The following BLNK variants were observed in gnomAD, a reference collection of about 807,000 sequenced individuals.
BLNK encodes B-cell linker protein.
Under a neutral mutation model 73.5 loss-of-function variants are expected in BLNK, and 29 were observed. The observed-to-expected ratio is 0.39, with a 90% CI of 0.29 to 0.54. The LOEUF (loss-of-function observed/expected upper bound fraction) is 0.54. Ranked by LOEUF, BLNK falls within the 20% of genes least tolerant of loss-of-function variation. BLNK has a pLI of 0.61. For missense variants in BLNK, 460 were observed against 562.8 expected, an observed-to-expected ratio of 0.82 and a Z score of 1.85; for synonymous variants, 176 against 200.8, an observed-to-expected ratio of 0.88 and a Z score of 1.04.
At chr10:96,242,236 C>T (rs1043701886) in intron 3 of BLNK, among the ~76,000 whole-genome samples, 4 of 152,162 alleles carry the variant, frequency 2.6e-5, no homozygotes, top group African/African-American at 7.2e-5. Flanking sequence ...TCTCTTGGCT[C>T]GCATTCTACC....
At chr10:96,198,376 T>C (rs1489803546) in intron 15 of BLNK, among the ~76,000 whole-genome samples, 2 of 152,204 alleles carry the variant, frequency 1.3e-5, no homozygotes, top group East Asian at 1.9e-4. Context: ...AGAAAACTTA[T>C]TGGATATAAG....
Position 96,247,029 on chromosome 10 carries a change from T to C in BLNK, c.68A>G (p.His23Arg). ...QKLRQLQKMV[H>R]DIKNNEGGIM... The stretch of plus-strand genomic sequence containing the variant: ...TCCACCTTCATTGTTTTTAATATCA[T>C]GGACCATCTTTTGAAGCTGCCTGTA... Residue 23 changes from histidine to arginine, a missense_variant, in exon 2 of 17, where the codon CAT becomes CGT. This residue lies in a region of BLNK where 139 missense variants were observed against 187.3 expected (regional missense o/e 0.74). Transcript: ENST00000224337. 1.2e-6 allele frequency: 2 copies of C among 1,606,010 alleles called. No individual in the cohort carries two copies. The highest frequency in any genetic ancestry group is 1.1e-5 in the South Asian group (1 of 88,714).
At chr10:96,202,698 G>A (rs2133957356) in intron 13 of BLNK, among the ~76,000 whole-genome samples, 1 of 152,304 alleles carries the variant, frequency 6.6e-6, no homozygotes, top group Non-Finnish European at 1.5e-5. Flanking sequence ...AGCACTCCCA[G>A]GTGAGAGCAG....
chr10:96,269,975 T>C (rs1554915208), intron 1 of BLNK, among the ~76,000 whole-genome samples: 1 of 152,164 alleles, frequency 6.6e-6, no homozygotes, highest in Non-Finnish European at 1.5e-5. Context: ...AAGTATCTTC[T>C]CTATGAAACC....
intron 16 of BLNK, among the ~76,000 whole-genome samples, chr10:96,192,658 T>G (rs587638188): frequency 6.6e-6 from 1 of 152,298 alleles, no homozygotes; most frequent in South Asian, 2.1e-4. Context: ...ATAATGAAAT[T>G]TCATGCTAGG....
At position 96,270,241 on chromosome 10, in the gene BLNK, C is replaced by T. The variant is rs59241856; in HGVS notation, c.47+1111G>A. Among the ~76,000 whole-genome samples, 418 of 152,334 alleles carry T rather than the reference C, an allele frequency of 2.7e-3. 3 individuals carry two copies. The highest frequency in any genetic ancestry group is 9.2e-3 in the African/African-American group (382 of 41,576). On this transcript the variant is annotated intron_variant, in intron 1 of 16. Transcript: ENST00000224337. ...TACCTTTTACCAAGCACCTCCTAGG[C>T]ATAAGACCTGTATTCTACTGTGAAG... is the stretch of plus-strand genomic sequence containing the variant.
intron 3 of BLNK, among the ~76,000 whole-genome samples, chr10:96,233,923 T>G (rs1457672563): frequency 2.0e-5 from 3 of 152,246 alleles, no homozygotes; most frequent in African/African-American, 7.2e-5. Flanking sequence ...AACAATAGAT[T>G]CCATTTACTG....
chr10:96,263,321 G>A (rs1554913453), intron 1 of BLNK, among the ~76,000 whole-genome samples: 1 of 152,228 alleles, frequency 6.6e-6, no homozygotes, highest in African/African-American at 2.4e-5. Context: ...TGAAGGAAGG[G>A]AATCTGGAGT....
intron 5 of BLNK, among the ~76,000 whole-genome samples, chr10:96,227,163 G>A (rs1278416384): frequency 6.6e-6 from 1 of 151,156 alleles, no homozygotes; most frequent in Non-Finnish European, 1.5e-5. Flanking sequence ...TTGTTTGTTT[G>A]TTTGTTTATG....
chr10:96,203,945 C>T, intron 13 of BLNK, 112 bp downstream of exon 13: 1 of 814,864 alleles, frequency 1.2e-6, no homozygotes, highest in Non-Finnish European at 2.1e-6. Context: ...GGAGAAGATG[C>T]CAGGATAACG....
At chr10:96,196,810 T>C in intron 16 of BLNK, 98 bp downstream of exon 16, 2 of 1,223,494 alleles carry the variant, frequency 1.6e-6, no homozygotes. Flanking sequence ...CAAGTACTTT[T>C]GTATCCTTTC....
At chr10:96,229,726 A>G (rs1416265679) in intron 4 of BLNK, among the ~76,000 whole-genome samples, 2 of 151,182 alleles carry the variant, frequency 1.3e-5, no homozygotes, top group African/African-American at 4.9e-5. Context: ...CAGGGGGCGC[A>G]GCTGCAGTGC....
intron 16 of BLNK, among the ~76,000 whole-genome samples, chr10:96,195,706 G>T (rs2083448203): frequency 6.6e-6 from 1 of 152,158 alleles, no homozygotes. Flanking sequence ...TCTATAAGAT[G>T]AACAAGTTCT....
chr10:96,220,326 C>T (rs587719413), intron 6 of BLNK, among the ~76,000 whole-genome samples: 1 of 152,258 alleles, frequency 6.6e-6, no homozygotes, highest in East Asian at 1.9e-4. Flanking sequence ...GTATTTACCC[C>T]AGACAACGAT....
intron 1 of BLNK, among the ~76,000 whole-genome samples, chr10:96,250,402 C>CAG (rs147274548): frequency 0.022 from 3,025 of 138,536 alleles, 91 homozygotes; most frequent in African/African-American, 0.065. Flanking sequence ...GAGAGACAGA[C>CAG]AGAGAGAGAG....
intron 1 of BLNK, among the ~76,000 whole-genome samples, chr10:96,252,895 G>A (rs1484476906): frequency 1.3e-5 from 2 of 152,174 alleles, no homozygotes; most frequent in Admixed American, 6.5e-5. Context: ...CCTCATCCCT[G>A]TTGGTGGGGG....
intron 1 of BLNK, among the ~76,000 whole-genome samples, chr10:96,254,240 T>C (rs1277920286): frequency 2.0e-5 from 3 of 152,078 alleles, no homozygotes; most frequent in Admixed American, 2.0e-4. Flanking sequence ...CCAGGCATTC[T>C]CCCCAGGAAA....
chr10:96,259,224 T>C (rs184265591), intron 1 of BLNK, among the ~76,000 whole-genome samples: 12 of 152,332 alleles, frequency 7.9e-5, no homozygotes, highest in Non-Finnish European at 1.5e-5. Flanking sequence ...CAGTAATCTT[T>C]ACTGTGACAC....
At chr10:96,194,768 A>AT (rs71034364) in intron 16 of BLNK, among the ~76,000 whole-genome samples, 4,502 of 110,184 alleles carry the variant, frequency 0.041, 248 homozygotes, top group African/African-American at 0.092. Context: ...AGAAATGCAA[A>AT]TTTTTTTTTT....
Sources: allele counts gnomAD v4.1 joint callset (sites outside exome capture counted in the v4.1 genomes callset), GRCh38; gene constraint gnomAD v4.1.1; regional missense constraint gnomAD v4.1.1; transcripts MANE v1.5; gene names NCBI Gene and HGNC (gene_info 2026-07-23, HGNC 2026-07-21).